The following TENM3 variants were observed in gnomAD, a reference collection of about 807,000 sequenced individuals.
TENM3 encodes the protein teneurin-3.
TENM3 carries 63 observed loss-of-function variants against 255.1 expected under a neutral mutation model. That is an observed-to-expected ratio of 0.25 (90% confidence interval 0.20 to 0.30). The LOEUF is 0.30. Among genes scored for constraint, TENM3 ranks in the 10% least tolerant of loss-of-function variants. The pLI is 1.00. For synonymous variants in TENM3, 1,306 were observed against 1,322.3 expected, an observed-to-expected ratio of 0.99 and a Z score of 0.27; for missense variants, 2,929 against 3,461.1, an observed-to-expected ratio of 0.85 and a Z score of 3.86.
the TENM3 span, among the ~76,000 whole-genome samples, chr4:181,492,601 A>C: frequency 3.3e-5 from 5 of 152,162 alleles, no homozygotes; most frequent in African/African-American, 4.8e-5. Flanking sequence ...AAAAATTATG[A>C]TTTCCATCGT....
At chr4:182,660,811 G>A (rs902634283) in intron 6 of TENM3, among the ~76,000 whole-genome samples, 3 of 152,204 alleles carry the variant, frequency 2.0e-5, no homozygotes, top group Admixed American at 2.0e-4. Flanking sequence ...AGCTGTAAAA[G>A]CAAGATGATC....
At chr4:182,430,644 G>A (rs556168242) in intron 3 of TENM3, among the ~76,000 whole-genome samples, 8 of 152,296 alleles carry the variant, frequency 5.3e-5, no homozygotes, top group South Asian at 4.1e-4. Flanking sequence ...CGCTGCTCAT[G>A]TGTGTCCTCC....
the TENM3 span, among the ~76,000 whole-genome samples, chr4:181,468,593 C>T: frequency 1.3e-5 from 2 of 152,290 alleles, no homozygotes; most frequent in African/African-American, 4.8e-5. Context: ...CTTCCTTTAG[C>T]GACTACATTT....
chr4:181,960,142 T>A, the TENM3 span, among the ~76,000 whole-genome samples: 2 of 152,224 alleles, frequency 1.3e-5, no homozygotes, highest in Admixed American at 1.3e-4. Flanking sequence ...GGAATTAAAA[T>A]GCAATTTGTG....
the TENM3 span, among the ~76,000 whole-genome samples, chr4:181,658,227 T>C: frequency 2.0e-5 from 3 of 152,316 alleles, no homozygotes; most frequent in African/African-American, 7.2e-5. Flanking sequence ...AATCCAGTGT[T>C]TTCCTAGCTT....
At chr4:182,035,932 C>A in the TENM3 span, among the ~76,000 whole-genome samples, 1 of 152,118 alleles carries the variant, frequency 6.6e-6, no homozygotes, top group Admixed American at 6.6e-5. Flanking sequence ...CTCTGAGCCC[C>A]AAAACTGGAC....
intron 3 of TENM3, among the ~76,000 whole-genome samples, chr4:182,383,808 CAT>C (rs1767727648): frequency 6.6e-6 from 1 of 152,158 alleles, no homozygotes; most frequent in African/African-American, 2.4e-5. Flanking sequence ...AAAACAGACA[CAT>C]AGACCAATGG....
chr4:181,985,206 C>A, the TENM3 span, among the ~76,000 whole-genome samples: 1 of 151,114 alleles, frequency 6.6e-6, no homozygotes, highest in Non-Finnish European at 1.5e-5. Context: ...CATGGTAATA[C>A]TCATAAAAGA....
chr4:182,516,345 G>A (rs75110093), intron 3 of TENM3, among the ~76,000 whole-genome samples: 5,985 of 152,228 alleles, frequency 0.039, 228 homozygotes, highest in East Asian at 0.11. Flanking sequence ...ATGTATAAAC[G>A]TAAGTTGGTA....
chr4:182,065,596 A>G, the TENM3 span, among the ~76,000 whole-genome samples: 2 of 152,166 alleles, frequency 1.3e-5, no homozygotes, highest in African/African-American at 2.4e-5. Context: ...CCGTAATCCA[A>G]TCACCTCCCA....
the TENM3 span, among the ~76,000 whole-genome samples, chr4:181,502,640 C>A: frequency 6.6e-6 from 1 of 152,150 alleles, no homozygotes; most frequent in African/African-American, 2.4e-5. Flanking sequence ...TGGTTCTAAC[C>A]TGCTTGGTGG....
chr4:181,817,987 T>C, the TENM3 span, among the ~76,000 whole-genome samples: 1 of 152,232 alleles, frequency 6.6e-6, no homozygotes, highest in Admixed American at 6.5e-5. Flanking sequence ...TCCTGATATC[T>C]GCTTTGGACT....
At chr4:181,979,443 GA>G in the TENM3 span, among the ~76,000 whole-genome samples, 1 of 151,760 alleles carries the variant, frequency 6.6e-6, no homozygotes, top group Non-Finnish European at 1.5e-5. Flanking sequence ...TTCTAAAGTA[GA>G]AAAAAATTAT....
intron 4 of TENM3, among the ~76,000 whole-genome samples, chr4:182,606,953 C>T (rs1476280947): frequency 6.6e-6 from 1 of 152,182 alleles, no homozygotes; most frequent in Non-Finnish European, 1.5e-5. Context: ...ATGAGAAAAG[C>T]ATATGCTTTA....
the TENM3 span, among the ~76,000 whole-genome samples, chr4:182,040,898 T>C: frequency 6.6e-6 from 1 of 152,106 alleles, no homozygotes; most frequent in Non-Finnish European, 1.5e-5. Context: ...ACAGAGAAAA[T>C]GGGACTCACT....
At chr4:182,221,267 A>G (rs1755837832) in intron 1 of TENM3, among the ~76,000 whole-genome samples, 1 of 152,234 alleles carries the variant, frequency 6.6e-6, no homozygotes, top group South Asian at 2.1e-4. Flanking sequence ...TTTTAAGCCT[A>G]GAGAATCAGG....
At chr4:181,580,410 C>T in the TENM3 span, among the ~76,000 whole-genome samples, 1 of 152,112 alleles carries the variant, frequency 6.6e-6, no homozygotes, top group Non-Finnish European at 1.5e-5. Context: ...TTTGTGGAGC[C>T]CAGCAGCTCC....
At chr4:181,595,112 C>T in the TENM3 span, among the ~76,000 whole-genome samples, 3 of 152,126 alleles carry the variant, frequency 2.0e-5, no homozygotes, top group Non-Finnish European at 4.4e-5. Flanking sequence ...CCATCTACCA[C>T]TTCACCCTGC....
rs181544353 is a variant in TENM3 at position 182,800,412 on chromosome 4, C to G, written c.*61C>G. On this transcript the variant is annotated 3_prime_UTR_variant, in exon 28 of 28. Coordinates refer to ENST00000511685, the MANE Select transcript of TENM3 (RefSeq NM_001080477.4). ...GCCCACATTGTCCTGTGGCACAACC[C>G]GAGTGGGACTCTCCAACGCCCAAGA... 2 of 1,480,474 alleles carry G rather than the reference C, an allele frequency of 1.4e-6. No homozygotes were observed. The highest frequency in any genetic ancestry group is 1.3e-5 in the South Asian group (1 of 78,040). 91.7% of individuals were successfully genotyped at this position (1,480,474 alleles called of 1,614,324 possible). A position where few individuals can be genotyped will look rare whatever the true frequency, so the allele number is the denominator to read the frequency against.
Sources: gnomAD v4.1 joint callset for allele counts (sites outside exome capture counted in the v4.1 genomes callset) on GRCh38, gnomAD v4.1.1 for gene constraint, MANE v1.5 for transcripts, NCBI Gene and HGNC (gene_info 2026-07-23, HGNC 2026-07-21) for gene names.